Variants in ARSJ observed in about 807,000 individuals in gnomAD.
ARSJ encodes the protein arylsulfatase J.
Under a neutral mutation model 35.9 loss-of-function variants are expected in ARSJ, and 26 were observed. The ratio of observed to expected loss-of-function variants is 0.72; its 90% confidence interval spans 0.53 to 1.00. The LOEUF (loss-of-function observed/expected upper bound fraction) is 1.00, where lower values mean the gene tolerates loss of function less well. Ranked by LOEUF, ARSJ falls within the 50% of genes least tolerant of loss-of-function variation. ARSJ has a pLI of 0.00. For synonymous variants in ARSJ, 294 were observed against 267.6 expected (o/e 1.10, Z -0.96); for missense variants, 667 against 723.6 (o/e 0.92, Z 0.90).
chr4:113,917,893 C>T (rs550640276), intron 1 of ARSJ, among the ~76,000 whole-genome samples: 15 of 152,146 alleles, frequency 9.9e-5, no homozygotes, highest in Non-Finnish European at 1.8e-4. Context: ...AATAATAACA[C>T]TTTTCTCACT....
chr4:113,973,463 A>G (rs1371573337), intron 1 of ARSJ, among the ~76,000 whole-genome samples: 1 of 152,108 alleles, frequency 6.6e-6, no homozygotes, highest in Non-Finnish European at 1.5e-5. Context: ...AAATCTCAAA[A>G]ACTAGTTAAT....
intron 1 of ARSJ, among the ~76,000 whole-genome samples, chr4:113,908,637 A>G (rs1282166995): frequency 1.3e-5 from 2 of 152,176 alleles, no homozygotes; most frequent in African/African-American, 4.8e-5. Flanking sequence ...CATTATGTTA[A>G]TTAGAACACA....
chr4:113,933,477 C>T (rs1308055584), intron 1 of ARSJ, among the ~76,000 whole-genome samples: 1 of 151,806 alleles, frequency 6.6e-6, no homozygotes, highest in Non-Finnish European at 1.5e-5. Context: ...CTCAATTCAA[C>T]TCCTCATTAA....
rs2099670460 is a variant in ARSJ, at chr4:113,911,578, A to G, written c.399-7903T>C. On this transcript the variant is annotated intron_variant, in intron 1 of 1. Coordinates refer to ENST00000315366, the MANE Select transcript of ARSJ (RefSeq NM_024590.4). ...GAGACATTTGATAGGGTTACAGACT[A>G]TATGTGGGAAGTGTGGGAGAAGGAA... Among the ~76,000 whole-genome samples the G allele has an allele frequency of 2.0e-5, 3 of 152,242 alleles. No homozygotes were observed. The South Asian group carries it at 6.2e-4, about 32-fold the overall frequency.
intron 1 of ARSJ, among the ~76,000 whole-genome samples, chr4:113,944,909 T>C (rs1405279836): frequency 6.6e-6 from 1 of 152,098 alleles, no homozygotes; most frequent in African/African-American, 2.4e-5. Flanking sequence ...TATCCGTATC[T>C]GTATATCTAT....
At chr4:113,977,629 C>A (rs1050315802) in intron 1 of ARSJ, among the ~76,000 whole-genome samples, 5 of 152,134 alleles carry the variant, frequency 3.3e-5, no homozygotes, top group Non-Finnish European at 5.9e-5. Context: ...ATTACAGTAG[C>A]CTGTGTTCTG....
rs75922126 is a variant in ARSJ at position 113,968,975 on chromosome 4, T to G, written c.398+9462A>C. On this transcript the variant is annotated intron_variant, in intron 1 of 1. Coordinates refer to ENST00000315366, the MANE Select transcript of ARSJ (RefSeq NM_024590.4). ...CAAAACTATTATGTACCTTCTAAGT[T>G]GTAGCCCCAGGGGTGAGTTGGAATT... Among the ~76,000 whole-genome samples, 2,043 of 152,312 alleles carry G rather than the reference T, an allele frequency of 0.013. 111 individuals carry two copies. In the East Asian group the frequency reaches 0.16, roughly 12 times the overall value.
At chr4:113,909,513 A>C (rs561776444) in intron 1 of ARSJ, among the ~76,000 whole-genome samples, 3 of 152,248 alleles carry the variant, frequency 2.0e-5, no homozygotes, top group African/African-American at 7.2e-5. Context: ...TAATTGAATC[A>C]TGGGGGCAGT....
intron 1 of ARSJ, among the ~76,000 whole-genome samples, chr4:113,954,369 G>A (rs1386908402): frequency 6.6e-6 from 1 of 151,808 alleles, no homozygotes; most frequent in African/African-American, 2.4e-5. Flanking sequence ...ACAACTTCAG[G>A]TTTATAGACT....
intron 1 of ARSJ, among the ~76,000 whole-genome samples, chr4:113,962,749 G>C (rs949373531): frequency 5.9e-5 from 9 of 152,020 alleles, no homozygotes; most frequent in Non-Finnish European, 5.9e-5. Context: ...AAGCAGTTCT[G>C]TTAAAAATGA....
At chr4:113,927,543 C>T (rs1414857601) in intron 1 of ARSJ, among the ~76,000 whole-genome samples, 1 of 152,194 alleles carries the variant, frequency 6.6e-6, no homozygotes, top group Non-Finnish European at 1.5e-5. Context: ...AATTGCTGGC[C>T]TTGCCAGCTG....
chr4:113,941,854 T>C (rs1725180172), intron 1 of ARSJ, among the ~76,000 whole-genome samples: 1 of 152,054 alleles, frequency 6.6e-6, no homozygotes, highest in Admixed American at 6.6e-5. Context: ...AGCAGAATTC[T>C]GAGGCAGATA....
chr4:113,910,130 T>G (rs1321477064), intron 1 of ARSJ, among the ~76,000 whole-genome samples: 1 of 152,154 alleles, frequency 6.6e-6, no homozygotes, highest in African/African-American at 2.4e-5. Context: ...AACCTAGAGT[T>G]GTTGCCAAAT....
intron 1 of ARSJ, among the ~76,000 whole-genome samples, chr4:113,940,587 C>T (rs569851468): frequency 2.6e-5 from 4 of 151,594 alleles, no homozygotes; most frequent in Admixed American, 6.6e-5. Flanking sequence ...AGCAAACCAC[C>T]GTGGCACACG....
At chr4:113,906,771 A>G in intron 1 of ARSJ, 1 of 456,018 alleles carries the variant, frequency 2.2e-6, no homozygotes, top group Non-Finnish European at 4.4e-6. Context: ...AATAATACAT[A>G]TTGGGTTGCT....
rs1371276118 is a variant in ARSJ, at chr4:113,935,256, A to G, written c.399-31581T>C. ...TCATGATAATTTGCAATGTAAATAAATGCAAAATATGATTCTGTAACCTAC... is the reference window on the plus strand; with the variant it reads ...TCATGATAATTTGCAATGTAAATAAGTGCAAAATATGATTCTGTAACCTAC... On this transcript the variant is annotated intron_variant, in intron 1 of 1. Coordinates refer to ENST00000315366, the MANE Select transcript of ARSJ (RefSeq NM_024590.4). Among the ~76,000 whole-genome samples, 3 of 151,900 alleles carry G rather than the reference A, an allele frequency of 2.0e-5. No homozygotes were observed. The East Asian group carries it at 5.8e-4, about 29-fold the overall frequency.
chr4:113,961,476 C>T (rs1174893675), intron 1 of ARSJ, among the ~76,000 whole-genome samples: 2 of 152,004 alleles, frequency 1.3e-5, no homozygotes, highest in Non-Finnish European at 1.5e-5. Flanking sequence ...TTAAAACAAA[C>T]ATTCCTCTCA....
chr4:113,913,067 C>T (rs374601235), intron 1 of ARSJ, among the ~76,000 whole-genome samples: 4 of 150,144 alleles, frequency 2.7e-5, no homozygotes, highest in South Asian at 2.2e-4. Context: ...AGATTACCTT[C>T]GGACTAGACA....
chr4:113,967,297 T>C (rs779803570), intron 1 of ARSJ, among the ~76,000 whole-genome samples: 11 of 152,150 alleles, frequency 7.2e-5, no homozygotes, highest in Non-Finnish European at 1.5e-4. Context: ...GGATTCTACA[T>C]ATGCCCATTT....
Sources: gnomAD v4.1 joint callset for allele counts (sites outside exome capture counted in the v4.1 genomes callset) on GRCh38, gnomAD v4.1.1 for gene constraint, MANE v1.5 for transcripts, NCBI Gene and HGNC (gene_info 2026-07-23, HGNC 2026-07-21) for gene names.